Variants in MAP3K10 observed in about 807,000 individuals in gnomAD.
MAP3K10 encodes mitogen-activated protein kinase kinase kinase 10, also known as MKN28 derived nonreceptor_type serine/threonine kinase.
MAP3K10 carries 22 observed loss-of-function variants against 75.0 expected under a neutral mutation model. The ratio of observed to expected loss-of-function variants is 0.29; its 90% CI spans 0.21 to 0.42. MAP3K10 has a LOEUF of 0.42. Ranked by LOEUF, MAP3K10 falls within the 10% of genes least tolerant of loss-of-function variation. The pLI is 1.00. For synonymous variants in MAP3K10, 599 were observed against 612.9 expected (o/e 0.98, Z 0.34); for missense variants, 1,165 against 1,379.8 (o/e 0.84, Z 2.47).
At chr19:40,210,878 T>A (rs1423512397) in intron 6 of MAP3K10, among the ~76,000 whole-genome samples, 1 of 152,188 alleles carries the variant, frequency 6.6e-6, no homozygotes, top group Non-Finnish European at 1.5e-5. Flanking sequence ...GTGGATTGGA[T>A]GGTGCCCACC....
At chr19:40,194,134 G>C (rs112378923) in intron 1 of MAP3K10, among the ~76,000 whole-genome samples, 3 of 152,132 alleles carry the variant, frequency 2.0e-5, no homozygotes, top group African/African-American at 7.2e-5. Flanking sequence ...GCCGACGTGG[G>C]TGCATCACCC....
chr19:40,199,433 C>A (rs1478003005), intron 2 of MAP3K10, among the ~76,000 whole-genome samples: 1 of 152,190 alleles, frequency 6.6e-6, no homozygotes, highest in African/African-American at 2.4e-5. Flanking sequence ...GGGAACGCTT[C>A]TCTGAGCAAT....
chr19:40,194,783 C>T (rs917319776), intron 1 of MAP3K10, among the ~76,000 whole-genome samples: 3 of 152,208 alleles, frequency 2.0e-5, no homozygotes, highest in Non-Finnish European at 4.4e-5. Flanking sequence ...ACTGCCTCAG[C>T]TCTGGGATTA....
intron 1 of MAP3K10, among the ~76,000 whole-genome samples, chr19:40,197,096 A>C (rs1325281195): frequency 6.6e-6 from 1 of 152,212 alleles, no homozygotes; most frequent in African/African-American, 2.4e-5. Flanking sequence ...GACCAGCTGG[A>C]GGGTAAACTG....
At position 40,191,904 on chromosome 19, in the gene MAP3K10, G is replaced by C; in HGVS notation, c.-128G>C. 1 of 303,172 alleles carries C rather than the reference G, an allele frequency of 3.3e-6. No individual in the cohort carries two copies. Among genetic ancestry groups the C allele is most frequent in the Non-Finnish European group, 5.6e-6 (1 of 179,658 alleles). 18.8% of individuals were successfully genotyped at this position (303,172 alleles called of 1,614,324 possible). On this transcript the variant is annotated 5_prime_UTR_variant, in exon 1 of 10. Coordinates refer to ENST00000253055, the MANE Select transcript of MAP3K10 (RefSeq NM_002446.4). ...TCTTGCTCCTGCGGAGGGCGCCCCA[G>C]CCATGGCCCTCAGGAGCTCCCTAGA...
In MAP3K10 at chr19:40,192,243, T is replaced by G; in HGVS notation, c.212T>G (p.Phe71Cys). 2.5e-6 allele frequency: 4 copies of G among 1,604,312 alleles called. No homozygotes were observed. The highest frequency in any genetic ancestry group is 3.4e-6 in the Non-Finnish European group (4 of 1,177,128). Residue 71 changes from phenylalanine to cysteine, a missense_variant, in exon 1 of 10, where the codon TTC becomes TGC. Around this residue, in one of 2 missense-constraint regions of MAP3K10, gnomAD observed 575 missense variants for 793.2 expected, o/e 0.72. Transcript: ENST00000253055. This position sits in a 1 kb window ranked among gnomAD's most constrained non-coding sequence, Gnocchi z 7.1. ...GQLPSGRVGV[F>C]PSNYVAPGAP... ...CTCCCCAGCGGCCGCGTGGGCGTCT[T>G]CCCCAGCAACTACGTGGCCCCCGGC...
chr19:40,200,591 T>G, intron 2 of MAP3K10, among the ~76,000 whole-genome samples: 1 of 147,078 alleles, frequency 6.8e-6, no homozygotes, highest in East Asian at 2.1e-4. Context: ...TGGCTGTACA[T>G]CAGGCGTTCA....
At position 40,205,089 on chromosome 19, in the gene MAP3K10, C is replaced by A; in HGVS notation, c.1013-32C>A. On this transcript the variant is annotated intron_variant, in intron 3 of 9. Transcript: ENST00000253055. This position sits in a 1 kb window ranked among gnomAD's most constrained non-coding sequence, Gnocchi z 4.3. ...GAGCATGACCACTGACACCTCCATG[C>A]CCCACCACTGTCCTTCCTCCTCCCA... The A allele has an allele frequency of 6.2e-7, 1 of 1,605,400 alleles. No homozygotes were observed. Among genetic ancestry groups the A allele is most frequent in the East Asian group, 2.2e-5 (1 of 44,796 alleles).
Position 40,198,490 on chromosome 19 carries a change from C to T in MAP3K10, c.798C>T (p.Thr266=), listed in dbSNP as rs146705797. The T allele has an allele frequency of 1.5e-5, 25 of 1,614,032 alleles. No individual in the cohort carries two copies. In the African/African-American group the frequency reaches 3.1e-4, roughly 20 times the overall value. Residue 266 remains threonine (T), a synonymous_variant, in exon 2 of 10, where the codon ACC becomes ACT. Coordinates refer to ENST00000253055, the MANE Select transcript of MAP3K10 (RefSeq NM_002446.4). The surrounding 1 kb of genome is among the most constrained non-coding windows in gnomAD (Gnocchi z 4.3). Reference sequence around the variant, plus strand: ...CCACCAAGATGAGCGCTGCGGGGACCTACGCCTGGATGGCGCCGGAGGTTA... The same window carrying T: ...CCACCAAGATGAGCGCTGCGGGGACTTACGCCTGGATGGCGCCGGAGGTTA... ...HKTTKMSAAG[T]YAWMAPEVIR... is the part of the protein sequence containing the mutation.
rs367555117 is a variant in MAP3K10 at position 40,215,308 on chromosome 19, G to A, written c.*16G>A. The stretch of plus-strand genomic sequence containing the variant: ...CTCCCACTAAGGCCTGCCCACCACC[G>A]CCCGCCTGGGCAGCCATGAATGTAG... On this transcript the variant is annotated 3_prime_UTR_variant, in exon 10 of 10. Transcript: ENST00000253055. 102 of 1,525,304 alleles carry A rather than the reference G, an allele frequency of 6.7e-5. 1 individual carries two copies. The highest frequency in any genetic ancestry group is 5.7e-4 in the African/African-American group (41 of 71,440). 94.5% of individuals were successfully genotyped at this position (1,525,304 alleles called of 1,614,324 possible).
chr19:40,198,500 A>G lies in MAP3K10; in HGVS notation c.808A>G (p.Met270Val). The change falls in exon 2 of 10, where the codon ATG becomes GTG. Residue 270 changes from methionine to valine, a missense_variant. Transcript: ENST00000253055. The surrounding 1 kb of genome is among the most constrained non-coding windows in gnomAD (Gnocchi z 4.3). ...GAGCGCTGCGGGGACCTACGCCTGGATGGCGCCGGAGGTTATCCGTCTCTC... is the reference window on the plus strand; with the variant it reads ...GAGCGCTGCGGGGACCTACGCCTGGGTGGCGCCGGAGGTTATCCGTCTCTC... Reference protein sequence around the residue: ...KMSAAGTYAWMAPEVIRLSLF... With the variant: ...KMSAAGTYAWVAPEVIRLSLF... The G allele has an allele frequency of 6.2e-7, 1 of 1,613,934 alleles. No homozygotes were observed. The highest frequency in any genetic ancestry group is 8.5e-7 in the Non-Finnish European group (1 of 1,179,952).
In MAP3K10 at chr19:40,192,757, C is replaced by T; in HGVS notation, c.682+44C>T. The T allele has an allele frequency of 6.9e-7, 1 of 1,455,038 alleles. No homozygotes were observed. Among genetic ancestry groups the T allele is most frequent in the Non-Finnish European group, 9.2e-7 (1 of 1,091,676 alleles). The allele number at this position is 1,455,038 out of a possible 1,614,324, so 90.1% of individuals were successfully genotyped here. ...CCAAAATTCCTTCCACAGAACCTCT[C>T]AAGGCCAGGCCTAGGTGGTGGGAAA... On this transcript the variant is annotated intron_variant, in intron 1 of 9. Coordinates refer to ENST00000253055, the MANE Select transcript of MAP3K10 (RefSeq NM_002446.4). The surrounding 1 kb of genome is among the most constrained non-coding windows in gnomAD (Gnocchi z 7.1).
In MAP3K10 at chr19:40,194,847, C is replaced by T. The variant is rs536874874; in HGVS notation, c.682+2134C>T. Among the ~76,000 whole-genome samples, 56 of 152,284 alleles carry T rather than the reference C, an allele frequency of 3.7e-4. 1 individual carries two copies. Among genetic ancestry groups the T allele is most frequent in the African/African-American group, 1.3e-3 (52 of 41,556 alleles). On this transcript the variant is annotated intron_variant, in intron 1 of 9. Coordinates refer to ENST00000253055, the MANE Select transcript of MAP3K10 (RefSeq NM_002446.4). ...TCCCCCAGCTATGGAATTTATATTC[C>T]GGTGAACAGGAATAAATGATGGATA... is the stretch of plus-strand genomic sequence containing the variant.
chr19:40,191,962 G>C lies in MAP3K10; in HGVS notation c.-70G>C. 2.6e-6 allele frequency: 3 copies of C among 1,133,636 alleles called. No individual in the cohort carries two copies. The highest frequency in any genetic ancestry group is 1.7e-5 in the African/African-American group (1 of 60,484). The allele number at this position is 1,133,636 out of a possible 1,614,324, so 70.2% of individuals were successfully genotyped here. A position where few individuals can be genotyped will look rare whatever the true frequency, so the allele number is the denominator to read the frequency against. Reference sequence around the variant, plus strand: ...GGGACTGCCCTCCATCCCGGCCGCCGGGGCCCGCCCTCTGCATCCCGCGGG... The same window carrying C: ...GGGACTGCCCTCCATCCCGGCCGCCCGGGCCCGCCCTCTGCATCCCGCGGG... On this transcript the variant is annotated 5_prime_UTR_variant, in exon 1 of 10. Coordinates refer to ENST00000253055, the MANE Select transcript of MAP3K10 (RefSeq NM_002446.4).
At position 40,214,112 on chromosome 19, in the gene MAP3K10, G is replaced by A. The variant is rs1399405205; in HGVS notation, c.2433G>A (p.Thr811=). Residue 811 remains threonine, a synonymous_variant, in exon 9 of 10, where the codon ACG becomes ACA. Transcript: ENST00000253055. ...AGAAGGACCCCCGCCAGTCGCTCAC[G>A]CCCACCCACGTCACGGCTGCATGCG... ...SFKKDPRQSL[T]PTHVTAACAV... 1.9e-6 allele frequency: 3 copies of A among 1,552,386 alleles called. No homozygotes were observed. In the South Asian group the frequency reaches 3.5e-5, roughly 18 times the overall value.
In MAP3K10 at chr19:40,215,112, C is replaced by T. The variant is rs1160622632; in HGVS notation, c.2685C>T (p.Arg895=). The T allele has an allele frequency of 4.3e-6, 7 of 1,611,412 alleles. No homozygotes were observed. The highest frequency in any genetic ancestry group is 5.9e-6 in the Non-Finnish European group (7 of 1,179,150). Residue 895 remains arginine (R), a synonymous_variant, in exon 10 of 10, where the codon CGC becomes CGT. Transcript: ENST00000253055. The part of the protein sequence containing the change: ...PRPRPAASRP[R]LDPWKLVSFG... ...CTCGGCCGGCTGCCAGTCGCCCCCG[C>T]TTGGACCCCTGGAAACTGGTCTCCT...
In MAP3K10 at chr19:40,215,430, A is replaced by G. The variant is rs1599921614; in HGVS notation, c.*138A>G. On this transcript the variant is annotated 3_prime_UTR_variant, in exon 10 of 10. Coordinates refer to ENST00000253055, the MANE Select transcript of MAP3K10 (RefSeq NM_002446.4). ...TATTGGGGAAGGAGGGAGGGGGGGG[A>G]CACTTAACTTATTCCTTTGTACCCC... 1.2e-6 allele frequency: 1 copy of G among 802,182 alleles called. No homozygotes were observed. The highest frequency in any genetic ancestry group is 1.9e-6 in the Non-Finnish European group (1 of 520,974). The allele number at this position is 802,182 out of a possible 1,614,324, so 49.7% of individuals were successfully genotyped here.
At chr19:40,194,978 C>T (rs115958215) in intron 1 of MAP3K10, among the ~76,000 whole-genome samples, 2,257 of 152,220 alleles carry the variant, frequency 0.015, 57 homozygotes, top group African/African-American at 0.051. Context: ...GGGAAGGCAA[C>T]ATTTGAGCAG....
In MAP3K10 at chr19:40,204,479, C is replaced by T; in HGVS notation, c.864-6C>T. On this transcript the variant is annotated splice_region_variant and splice_polypyrimidine_tract_variant and intron_variant, in intron 2 of 9. Coordinates refer to ENST00000253055, the MANE Select transcript of MAP3K10 (RefSeq NM_002446.4). This position sits in a 1 kb window ranked among gnomAD's most constrained non-coding sequence, Gnocchi z 4.3. ...GACATCACCCCTCCCTCTCCCCTGC[C>T]TGCAGCTTCGGGGTGCTGCTGTGGG... 1 of 1,611,966 alleles carries T rather than the reference C, an allele frequency of 6.2e-7. No individual in the cohort carries two copies.
Sources: allele counts gnomAD v4.1 joint callset (sites outside exome capture counted in the v4.1 genomes callset), GRCh38; gene constraint gnomAD v4.1.1; regional missense constraint gnomAD v4.1.1; non-coding constraint Gnocchi (gnomAD v3.1); transcripts MANE v1.5; gene names NCBI Gene and HGNC (gene_info 2026-07-23, HGNC 2026-07-21).